The following RP1 variants were observed in gnomAD, a reference collection of about 807,000 sequenced individuals.
The protein encoded by RP1 is RP1 axonemal microtubule associated.
In RP1, 16 loss-of-function variants were observed where a neutral mutation model predicts 14.8. That is an observed-to-expected ratio of 1.08 (90% CI 0.73 to 1.65). The LOEUF (loss-of-function observed/expected upper bound fraction) is 1.65. Among genes scored for constraint, RP1 ranks in the 40% most tolerant of loss-of-function variants. The pLI, the probability that RP1 is intolerant of heterozygous loss-of-function variation, is 0.00. For missense variants in RP1, 2,631 were observed against 2,535.0 expected (o/e 1.04, Z -0.81); for synonymous variants, 876 against 883.6 (o/e 0.99, Z 0.15).
chr8:54,564,046 C>T (rs1202334680), intron 1 of RP1, among the ~76,000 whole-genome samples: 2 of 152,172 alleles, frequency 1.3e-5, no homozygotes, highest in Non-Finnish European at 2.9e-5. Flanking sequence ...GGAGTTGTTG[C>T]CCAACTCAGA....
At chr8:54,756,492 T>C (rs184029368) in intron 21 of RP1, among the ~76,000 whole-genome samples, 19 of 152,364 alleles carry the variant, frequency 1.2e-4, no homozygotes, top group Non-Finnish European at 2.4e-4. Flanking sequence ...AAAGCTCACC[T>C]ATACATTTGT....
intron 1 of RP1, among the ~76,000 whole-genome samples, chr8:54,580,671 T>C (rs1427676379): frequency 6.7e-6 from 1 of 149,796 alleles, no homozygotes; most frequent in East Asian, 2.0e-4. Flanking sequence ...CAGGCTGGAG[T>C]GCAGTGGCAC....
chr8:54,740,032 G>A (rs1454986441), intron 19 of RP1, among the ~76,000 whole-genome samples: 5 of 150,106 alleles, frequency 3.3e-5, no homozygotes, highest in African/African-American at 1.2e-4. Flanking sequence ...ACTGGGATGT[G>A]TGTTTTATAT....
At chr8:54,679,363 C>A (rs1585600400) in intron 9 of RP1, 1 of 1,417,620 alleles carries the variant, frequency 7.1e-7, no homozygotes, top group Admixed American at 2.0e-5. Context: ...AGATAATTGC[C>A]AATGGTTAAT....
chr8:54,668,714 T>C (rs1807074981), intron 7 of RP1, among the ~76,000 whole-genome samples: 1 of 152,098 alleles, frequency 6.6e-6, no homozygotes, highest in Non-Finnish European at 1.5e-5. Context: ...GCCTCAGAAA[T>C]AACACCACAC....
At chr8:54,846,093 G>C (rs1811913573) in intron 25 of RP1, among the ~76,000 whole-genome samples, 1 of 152,092 alleles carries the variant, frequency 6.6e-6, no homozygotes, top group African/African-American at 2.4e-5. Context: ...ATCAGAAATG[G>C]GCCACCAAGG....
intron 1 of RP1, among the ~76,000 whole-genome samples, chr8:54,587,203 A>C (rs563127791): frequency 6.6e-6 from 1 of 152,320 alleles, no homozygotes; most frequent in African/African-American, 2.4e-5. Flanking sequence ...CATCTTGCAG[A>C]ACACCTGAGG....
At chr8:54,807,441 T>C (rs74734072) in intron 24 of RP1, among the ~76,000 whole-genome samples, 4,322 of 152,318 alleles carry the variant, frequency 0.028, 119 homozygotes, top group African/African-American at 0.063. Context: ...CCTTTCACTC[T>C]TTTGACCACA....
chr8:54,735,454 C>T (rs1808895608), intron 18 of RP1, among the ~76,000 whole-genome samples: 1 of 152,172 alleles, frequency 6.6e-6, no homozygotes. Context: ...TACTGTTAAA[C>T]AGCAGTCATT....
chr8:54,727,915 C>T (rs895019544), intron 17 of RP1, among the ~76,000 whole-genome samples: 10 of 151,906 alleles, frequency 6.6e-5, no homozygotes, highest in African/African-American at 1.9e-4. Context: ...ATAAGTTCTT[C>T]ATTGTGGTTA....
downstream of RP1, among the ~76,000 whole-genome samples, chr8:54,772,398 C>G (rs1012092947): frequency 6.6e-6 from 1 of 152,056 alleles, no homozygotes; most frequent in Non-Finnish European, 1.5e-5. Flanking sequence ...TCTAGAAGTT[C>G]TTTCAAGATA....
intron 20 of RP1, among the ~76,000 whole-genome samples, chr8:54,755,414 C>T (rs1008212923): frequency 3.3e-5 from 5 of 152,090 alleles, no homozygotes; most frequent in Admixed American, 1.3e-4. Flanking sequence ...AACCTTCTGG[C>T]CTTTTGCAAA....
chr8:54,841,758 C>T (rs533805667), intron 25 of RP1, among the ~76,000 whole-genome samples: 3 of 152,118 alleles, frequency 2.0e-5, no homozygotes, highest in African/African-American at 7.2e-5. Flanking sequence ...GGCAGTGATG[C>T]TTAGGGCTGA....
At chr8:54,827,475 C>T (rs115633706) in intron 24 of RP1, among the ~76,000 whole-genome samples, 1,530 of 152,082 alleles carry the variant, frequency 0.01, 33 homozygotes, top group African/African-American at 0.035. Context: ...ACTCCAGGTG[C>T]GTGCCACCAT....
At chr8:54,669,512 C>T (rs532514131) in intron 7 of RP1, among the ~76,000 whole-genome samples, 1 of 152,180 alleles carries the variant, frequency 6.6e-6, no homozygotes, top group Non-Finnish European at 1.5e-5. Context: ...CTTGACCCAG[C>T]GACCCCATTA....
intron 22 of RP1, among the ~76,000 whole-genome samples, chr8:54,759,889 T>C (rs1259247367): frequency 6.6e-6 from 1 of 152,170 alleles, no homozygotes; most frequent in Non-Finnish European, 1.5e-5. Flanking sequence ...TTTGAAAATT[T>C]GAATCTTCAA....
At chr8:54,569,568 G>GA (rs1426788460) in intron 1 of RP1, among the ~76,000 whole-genome samples, 9 of 152,250 alleles carry the variant, frequency 5.9e-5, no homozygotes, top group African/African-American at 1.9e-4. Context: ...CCACCCAAAT[G>GA]AAAAAACATT....
upstream of RP1, among the ~76,000 whole-genome samples, chr8:54,613,115 A>G (rs1805635441): frequency 6.6e-6 from 1 of 152,180 alleles, no homozygotes; most frequent in South Asian, 2.1e-4. Context: ...TATCTGTTGA[A>G]CAAATAAACA....
chr8:54,771,836 C>G (rs531491433), downstream of RP1, among the ~76,000 whole-genome samples: 1 of 152,156 alleles, frequency 6.6e-6, no homozygotes, highest in South Asian at 2.1e-4. Flanking sequence ...GCAGTCTAAT[C>G]TATTGAGGCA....
Sources: allele counts gnomAD v4.1 joint callset (sites outside exome capture counted in the v4.1 genomes callset), GRCh38; gene constraint gnomAD v4.1.1; transcripts MANE v1.5; gene names NCBI Gene and HGNC (gene_info 2026-07-23, HGNC 2026-07-21).